Variants in CAPN9 observed in about 807,000 individuals in gnomAD.
The protein encoded by CAPN9 is calpain 9, also known as calpain-9.
A neutral mutation model predicts 92.8 loss-of-function variants in CAPN9; 81 were observed. The ratio of observed to expected loss-of-function variants is 0.87; its 90% confidence interval spans 0.73 to 1.05. CAPN9 has a LOEUF of 1.05. Ranked by LOEUF, CAPN9 falls within the 50% of genes least tolerant of loss-of-function variation. The pLI, the probability that CAPN9 is intolerant of heterozygous loss-of-function variation, is 0.00. For missense variants in CAPN9, 848 were observed against 866.2 expected, an observed-to-expected ratio of 0.98 and a Z score of 0.26; for synonymous variants, 304 against 328.0, an observed-to-expected ratio of 0.93 and a Z score of 0.79.
chr1:230,774,000 C>G (rs1334095525), intron 7 of CAPN9, among the ~76,000 whole-genome samples: 1 of 152,190 alleles, frequency 6.6e-6, no homozygotes, highest in African/African-American at 2.4e-5. Flanking sequence ...ATGGGCCTAC[C>G]TGAGCCCTCT....
intron 14 of CAPN9, among the ~76,000 whole-genome samples, chr1:230,790,568 C>T (rs553500301): frequency 1.3e-5 from 2 of 151,804 alleles, no homozygotes; most frequent in African/African-American, 4.9e-5. Context: ...TAACCCTGTA[C>T]CCATTTCCCC....
Position 230,767,697 on chromosome 1 carries a change from C to A in CAPN9, c.693C>A (p.Gly231=). Residue 231 remains glycine (G), a synonymous_variant, in exon 5 of 20, where the codon GGC becomes GGA. Coordinates refer to ENST00000271971, the MANE Select transcript of CAPN9 (RefSeq NM_006615.3). ...EKALKRGSLL[G]CFIDTRSAAE... ...CTTTGAAGAGAGGCTCCCTGCTGGG[C>A]TGCTTCATTGATGTAAGTTGCTCAT... The A allele has an allele frequency of 2.5e-6, 4 of 1,612,990 alleles. No homozygotes were observed. Among genetic ancestry groups the A allele is most frequent in the Non-Finnish European group, 2.5e-6 (3 of 1,179,610 alleles).
intron 3 of CAPN9, among the ~76,000 whole-genome samples, chr1:230,761,893 TCAAA>T (rs1665668053): frequency 6.6e-6 from 1 of 152,148 alleles, no homozygotes; most frequent in Non-Finnish European, 1.5e-5. Context: ...ATACATGTGC[TCAAA>T]CACACACGTG....
intron 8 of CAPN9, among the ~76,000 whole-genome samples, chr1:230,774,869 G>A (rs1666648455): frequency 6.6e-6 from 1 of 150,852 alleles, no homozygotes; most frequent in Non-Finnish European, 1.5e-5. Flanking sequence ...AGCCTCCCAA[G>A]CAGCTGAGAG....
At chr1:230,757,336 C>A (rs571946907) in intron 2 of CAPN9, among the ~76,000 whole-genome samples, 2 of 152,192 alleles carry the variant, frequency 1.3e-5, no homozygotes, top group African/African-American at 2.4e-5. Context: ...TTCCCCTCGA[C>A]CCCGTAGTCC....
At chr1:230,767,014 T>C (rs879864438) in intron 4 of CAPN9, among the ~76,000 whole-genome samples, 7 of 152,118 alleles carry the variant, frequency 4.6e-5, no homozygotes, top group African/African-American at 1.4e-4. Context: ...AGAGCACATA[T>C]ATGTAAAATG....
rs1005391019 is a variant in CAPN9 at position 230,767,988 on chromosome 1, A to C, written c.705+279A>C. Among the ~76,000 whole-genome samples, 9 of 151,194 alleles carry C rather than the reference A, an allele frequency of 6.0e-5. No homozygotes were observed. The South Asian group carries it at 1.0e-3, about 18-fold the overall frequency. ...TGTAACAAACCTGCACGTTGTGCACATGTACCCTAAAACTTAAAGTATAAT... is the reference window on the plus strand; with the variant it reads ...TGTAACAAACCTGCACGTTGTGCACCTGTACCCTAAAACTTAAAGTATAAT... On this transcript the variant is annotated intron_variant, in intron 5 of 19. Transcript: ENST00000271971.
intron 1 of CAPN9, among the ~76,000 whole-genome samples, chr1:230,751,653 AAGAAAGAAAGAAAGAAAGAAAGAAAG>A (rs1664834393): frequency 1.3e-5 from 1 of 76,574 alleles, no homozygotes; most frequent in Admixed American, 1.1e-4. Flanking sequence ...GAAAGAAAGA[AAGAAAGAAAGAAAGAAAGAAAGAAAG>A]AAAGAAGGGT....
At chr1:230,799,247 T>G (rs1055890775) in intron 19 of CAPN9, among the ~76,000 whole-genome samples, 3 of 152,216 alleles carry the variant, frequency 2.0e-5, no homozygotes, top group Non-Finnish European at 4.4e-5. Flanking sequence ...CAGTATGTGT[T>G]TTAGAGGATT....
intron 3 of CAPN9, among the ~76,000 whole-genome samples, chr1:230,761,999 T>G (rs1197307450): frequency 6.6e-6 from 1 of 152,148 alleles, no homozygotes; most frequent in African/African-American, 2.4e-5. Flanking sequence ...ATGCAATGTA[T>G]AAATAAACCA....
At chr1:230,791,547 T>C (rs1667993108) in intron 14 of CAPN9, among the ~76,000 whole-genome samples, 1 of 152,214 alleles carries the variant, frequency 6.6e-6, no homozygotes, top group African/African-American at 2.4e-5. Flanking sequence ...CTATTGGTCA[T>C]TATTTCACTT....
chr1:230,783,794 G>C (rs1667387955), intron 11 of CAPN9, among the ~76,000 whole-genome samples: 1 of 152,230 alleles, frequency 6.6e-6, no homozygotes, highest in Non-Finnish European at 1.5e-5. Context: ...ATAACAGGCA[G>C]AGGTTGGAAG....
intron 6 of CAPN9, among the ~76,000 whole-genome samples, chr1:230,769,713 G>A (rs1031078186): frequency 4.0e-5 from 6 of 151,346 alleles, no homozygotes; most frequent in African/African-American, 1.5e-4. Flanking sequence ...GAGCAACACA[G>A]GCTTGAACTT....
chr1:230,792,129 G>T (rs1668029636), intron 15 of CAPN9, among the ~76,000 whole-genome samples: 1 of 152,200 alleles, frequency 6.6e-6, no homozygotes, highest in African/African-American at 2.4e-5. Flanking sequence ...ACTGCCTAGT[G>T]GTGGGGGTGG....
In CAPN9 at chr1:230,795,722, G is replaced by A. The variant is rs28359728; in HGVS notation, c.1987+443G>A. Among the ~76,000 whole-genome samples the A allele has an allele frequency of 2.8e-3, 426 of 152,116 alleles. 9 individuals carry two copies. Among genetic ancestry groups the A allele is most frequent in the Admixed American group, 0.025 (378 of 15,274 alleles). On this transcript the variant is annotated intron_variant, in intron 18 of 19. Transcript: ENST00000271971. ...ATAGAGAGGGATTATGTGCCCGTGC[G>A]CTTCAGTGTTTGCAGTTTATTGTCA...
chr1:230,795,954 C>G (rs1041816863), intron 18 of CAPN9, among the ~76,000 whole-genome samples: 1 of 151,610 alleles, frequency 6.6e-6, no homozygotes, highest in African/African-American at 2.4e-5. Flanking sequence ...CAGGGGGCCC[C>G]GCATTTCCAT....
chr1:230,787,490 A>G (rs1316688713), intron 12 of CAPN9, 32 bp from the exon 13 acceptor site: 1 of 1,588,068 alleles, frequency 6.3e-7, no homozygotes, highest in Non-Finnish European at 8.6e-7. Context: ...TTTGTGGATC[A>G]TTTTGTGCAA....
At chr1:230,757,630 G>T (rs6688913) in intron 2 of CAPN9, among the ~76,000 whole-genome samples, 1 of 150,842 alleles carries the variant, frequency 6.6e-6, no homozygotes, top group African/African-American at 2.4e-5. Flanking sequence ...ACCTGTAATC[G>T]CAGCGCTTTG....
chr1:230,789,283 A>G (rs1190548983), intron 13 of CAPN9, among the ~76,000 whole-genome samples: 2 of 152,100 alleles, frequency 1.3e-5, no homozygotes, highest in African/African-American at 2.4e-5. Context: ...GGTCAAGAGC[A>G]TCCTGGGCAA....
Sources: gnomAD v4.1 joint callset for allele counts (sites outside exome capture counted in the v4.1 genomes callset) on GRCh38, gnomAD v4.1.1 for gene constraint, MANE v1.5 for transcripts, NCBI Gene and HGNC (gene_info 2026-07-23, HGNC 2026-07-21) for gene names.